The following PHKA2 variants were observed in gnomAD, a reference collection of about 807,000 sequenced individuals.
PHKA2 encodes the protein phosphorylase kinase regulatory subunit alpha 2.
Under a neutral mutation model 102.0 loss-of-function variants are expected in PHKA2, and 31 were observed. That is an observed-to-expected ratio of 0.30 (90% CI 0.23 to 0.41). The LOEUF (loss-of-function observed/expected upper bound fraction) is 0.41. PHKA2 is among the 10% of genes least tolerant of loss of function. The probability of loss-of-function intolerance (pLI) is 1.00; values close to 1 mark genes in which losing one functional copy is unlikely to be tolerated. For synonymous variants in PHKA2, 455 were observed against 416.2 expected, an observed-to-expected ratio of 1.09 and a Z score of -1.13; for missense variants, 858 against 1,023.1, an observed-to-expected ratio of 0.84 and a Z score of 2.20.
chrX:18,962,503 T>C (rs2048884464), intron 1 of PHKA2, among the ~76,000 whole-genome samples: 1 of 111,576 alleles, frequency 9.0e-6, no homozygotes, highest in South Asian at 3.8e-4. Context: ...ACCCCTGGGA[T>C]CCCAATAAAT....
chrX:18,967,195 CAG>C (rs1229003638), intron 1 of PHKA2, among the ~76,000 whole-genome samples: 2 of 111,104 alleles, frequency 1.8e-5, no homozygotes, highest in African/African-American at 6.6e-5. Flanking sequence ...TCACTCTTGA[CAG>C]AGAGGCAAAG....
chrX:18,905,798 G>A lies in PHKA2; in HGVS notation c.2868C>T (p.His956=), dbSNP rs779163512. The change falls in exon 26 of 33, where the codon CAC becomes CAT. Residue 956 remains histidine, a synonymous_variant. Transcript: ENST00000379942. ...CAAACTCTTTCCCACTTAGAATATG[G>A]TGCAGGAGATTTTTCATATCGAAAG... is the stretch of plus-strand genomic sequence containing the variant. ...LSPFDMKNLL[H]HILSGKEFGV... The A allele has an allele frequency of 1.4e-5, 17 of 1,208,426 alleles. No individual in the cohort carries two copies. Among genetic ancestry groups the A allele is most frequent in the Non-Finnish European group, 1.1e-6 (1 of 892,326 alleles).
At chrX:18,973,204 C>T (rs567333690) in intron 1 of PHKA2, among the ~76,000 whole-genome samples, 1 of 111,455 alleles carries the variant, frequency 9.0e-6, no homozygotes, top group African/African-American at 3.3e-5. Flanking sequence ...GGGGTTTCAC[C>T]ATGTTGGCCA....
chrX:18,907,134 G>A (rs753902767), intron 22 of PHKA2, 37 bp from the exon 23 acceptor site: 6 of 1,014,009 alleles, frequency 5.9e-6, no homozygotes, highest in Admixed American at 2.6e-5. Context: ...GGCAGAGCGC[G>A]AGAGAGATAC....
chrX:18,982,513 C>T (rs913831869), intron 1 of PHKA2, among the ~76,000 whole-genome samples: 7 of 111,991 alleles, frequency 6.3e-5, no homozygotes, highest in African/African-American at 1.3e-4. Context: ...ATGGGCAAAC[C>T]ACAACTGGTC....
At chrX:18,903,909 A>G (rs2047751553) in intron 26 of PHKA2, among the ~76,000 whole-genome samples, 1 of 111,841 alleles carries the variant, frequency 8.9e-6, no homozygotes, top group Non-Finnish European at 1.9e-5. Context: ...TCCTCCCAGC[A>G]TCACCTGAAA....
At chrX:18,913,075 CAA>C (rs752580775) in intron 19 of PHKA2, among the ~76,000 whole-genome samples, 2,140 of 40,092 alleles carry the variant, frequency 0.053, 30 homozygotes, top group African/African-American at 0.12. Context: ...AAGACCCTGT[CAA>C]AAAAAAAAAA....
chrX:18,903,128 G>C (rs2047729631), intron 26 of PHKA2, among the ~76,000 whole-genome samples: 3 of 111,555 alleles, frequency 2.7e-5, no homozygotes, highest in African/African-American at 3.3e-5. Flanking sequence ...ACAGAAACAT[G>C]AGATGGATAC....
chrX:18,901,554 C>T lies in PHKA2; in HGVS notation c.2958G>A (p.Glu986=). The stretch of plus-strand genomic sequence containing the variant: ...TTTTGGTGACTCCGGTATGGCCCAC[C>T]TCGTGGATGGAGATGGTAGGGCTGG... The part of the protein sequence containing the change: ...STSSPTISIH[E]VGHTGVTKTE... Residue 986 remains glutamate, a synonymous_variant, in exon 27 of 33, where the codon GAG becomes GAA. Transcript: ENST00000379942. The T allele has an allele frequency of 8.3e-7, 1 of 1,205,765 alleles. No individual in the cohort carries two copies. Among genetic ancestry groups the T allele is most frequent in the South Asian group, 1.8e-5 (1 of 56,865 alleles).
intron 5 of PHKA2, among the ~76,000 whole-genome samples, chrX:18,947,044 A>G (rs1336476969): frequency 9.0e-6 from 1 of 111,447 alleles, no homozygotes; most frequent in Non-Finnish European, 1.9e-5. Context: ...TCACTGCTTT[A>G]GACCTGGGGT....
chrX:18,983,191 G>A (rs1416858116), intron 1 of PHKA2, among the ~76,000 whole-genome samples: 1 of 112,391 alleles, frequency 8.9e-6, no homozygotes, highest in Admixed American at 9.4e-5. Context: ...AAATAGTTCA[G>A]TGGTCTTACA....
At chrX:18,942,489 T>C (rs2048508936) in intron 7 of PHKA2, among the ~76,000 whole-genome samples, 1 of 111,432 alleles carries the variant, frequency 9.0e-6, no homozygotes, top group South Asian at 3.8e-4. Context: ...ACTAGGATTC[T>C]AACTCAGGCC....
chrX:18,978,848 T>C (rs189538345), intron 1 of PHKA2, among the ~76,000 whole-genome samples: 348 of 111,362 alleles, frequency 3.1e-3, no homozygotes, highest in Non-Finnish European at 5.2e-3. Context: ...CTCAGAATGC[T>C]TTCACTCCTG....
intron 10 of PHKA2, among the ~76,000 whole-genome samples, chrX:18,937,740 G>A (rs1256037573): frequency 8.9e-6 from 1 of 111,934 alleles, no homozygotes; most frequent in Non-Finnish European, 1.9e-5. Context: ...AGATCATATG[G>A]AACCCCACAA....
At chrX:18,966,673 T>C (rs1276373015) in intron 1 of PHKA2, among the ~76,000 whole-genome samples, 3 of 112,212 alleles carry the variant, frequency 2.7e-5, no homozygotes, top group Admixed American at 9.4e-5. Flanking sequence ...CCCTGGGTTA[T>C]CCCAGGAGGG....
chrX:18,900,644 G>A (rs370721915), intron 28 of PHKA2, 26 bp downstream of exon 28: 8 of 1,188,366 alleles, frequency 6.7e-6, no homozygotes, highest in African/African-American at 5.3e-5. Flanking sequence ...AGGAAGTAAA[G>A]GACGAACAAG....
chrX:18,908,365 T>A (rs2047861800), intron 21 of PHKA2, among the ~76,000 whole-genome samples: 1 of 112,498 alleles, frequency 8.9e-6, no homozygotes, highest in African/African-American at 3.2e-5. Context: ...TGACCTGGGC[T>A]GGCTAGAAGG....
chrX:18,975,974 T>C (rs944979076), intron 1 of PHKA2, among the ~76,000 whole-genome samples: 8 of 95,923 alleles, frequency 8.3e-5, no homozygotes, highest in African/African-American at 2.8e-4. Context: ...ATTCTTTTTT[T>C]TTTTTTTTTT....
At chrX:18,916,051 G>A (rs1341222088) in intron 19 of PHKA2, among the ~76,000 whole-genome samples, 1 of 112,068 alleles carries the variant, frequency 8.9e-6, no homozygotes, top group Non-Finnish European at 1.9e-5. Flanking sequence ...GCACTGAGAT[G>A]TCAGAAGCCG....
Sources: allele counts gnomAD v4.1 joint callset (sites outside exome capture counted in the v4.1 genomes callset), GRCh38; gene constraint gnomAD v4.1.1; transcripts MANE v1.5; gene names NCBI Gene and HGNC (gene_info 2026-07-23, HGNC 2026-07-21).